The following CSMD1 variants were observed in gnomAD, a reference collection of about 807,000 sequenced individuals.
CSMD1 encodes CUB and sushi domain-containing protein 1.
Under a neutral mutation model 417.5 loss-of-function variants are expected in CSMD1, and 213 were observed. That is an observed-to-expected ratio of 0.51 (90% CI 0.46 to 0.57). CSMD1 has a LOEUF of 0.57. Among genes scored for constraint, CSMD1 ranks in the 20% least tolerant of loss-of-function variants. The probability of loss-of-function intolerance (pLI) is 0.00; values close to 1 mark genes in which losing one functional copy is unlikely to be tolerated. For missense variants in CSMD1, 6,923 were observed against 4,529.7 expected (o/e 1.53, Z -15.17); for synonymous variants, 2,862 against 1,736.8 (o/e 1.65, Z -16.11).
At chr8:3,950,665 T>C (rs958804239) in intron 5 of CSMD1, among the ~76,000 whole-genome samples, 27 of 152,194 alleles carry the variant, frequency 1.8e-4, no homozygotes, top group Admixed American at 1.6e-3. Flanking sequence ...AAAGTTAATG[T>C]TTCTCCTGCC....
intron 1 of CSMD1, among the ~76,000 whole-genome samples, chr8:4,910,287 A>C (rs887204161): frequency 3.3e-5 from 5 of 152,340 alleles, no homozygotes; most frequent in South Asian, 2.1e-4. Flanking sequence ...GTCAACGCAT[A>C]TATCTTGATT....
At chr8:3,040,297 T>C (rs7000511) in intron 50 of CSMD1, among the ~76,000 whole-genome samples, 6,042 of 151,632 alleles carry the variant, frequency 0.04, 414 homozygotes, top group African/African-American at 0.14. Flanking sequence ...AAGTAATATA[T>C]AGCTTGGAGA....
chr8:3,744,244 G>A (rs963466235), intron 6 of CSMD1, among the ~76,000 whole-genome samples: 1 of 152,168 alleles, frequency 6.6e-6, no homozygotes, highest in African/African-American at 2.4e-5. Flanking sequence ...TGCAACAGGA[G>A]CATGGGAAGT....
chr8:3,149,384 G>T (rs1257920377), intron 40 of CSMD1, among the ~76,000 whole-genome samples: 4 of 152,164 alleles, frequency 2.6e-5, no homozygotes, highest in African/African-American at 9.7e-5. Flanking sequence ...ATACAACTGG[G>T]TGACTTTCCT....
At chr8:4,679,923 A>G (rs1444594202) in intron 1 of CSMD1, among the ~76,000 whole-genome samples, 2 of 152,164 alleles carry the variant, frequency 1.3e-5, no homozygotes, top group Admixed American at 1.3e-4. Context: ...CTGTTTCCCA[A>G]ATTAATTGCA....
intron 49 of CSMD1, among the ~76,000 whole-genome samples, chr8:3,067,995 A>G (rs569459600): frequency 9.8e-5 from 15 of 152,306 alleles, no homozygotes; most frequent in Admixed American, 7.2e-4. Flanking sequence ...TCCCAATAAC[A>G]GAATGGCTTT....
chr8:4,344,286 T>C (rs1178929971), intron 3 of CSMD1, among the ~76,000 whole-genome samples: 1 of 152,160 alleles, frequency 6.6e-6, no homozygotes, highest in African/African-American at 2.4e-5. Flanking sequence ...CATTCTGTCA[T>C]GTGTCTAGTT....
chr8:4,179,458 C>T (rs1798234003), intron 3 of CSMD1, among the ~76,000 whole-genome samples: 1 of 151,606 alleles, frequency 6.6e-6, no homozygotes, highest in South Asian at 2.1e-4. Context: ...AACGTTAGAC[C>T]TAAAACCATA....
At chr8:3,535,647 T>C (rs1798164644) in intron 10 of CSMD1, among the ~76,000 whole-genome samples, 1 of 152,212 alleles carries the variant, frequency 6.6e-6, no homozygotes, top group South Asian at 2.1e-4. Flanking sequence ...CTAAAAGCTC[T>C]GTCTTAACCA....
chr8:3,811,763 T>G (rs1445182128), intron 5 of CSMD1, among the ~76,000 whole-genome samples: 1 of 152,042 alleles, frequency 6.6e-6, no homozygotes, highest in Non-Finnish European at 1.5e-5. Flanking sequence ...CCATGGACAA[T>G]AGCTGAGTGA....
At chr8:4,058,204 T>C (rs915808770) in intron 3 of CSMD1, among the ~76,000 whole-genome samples, 3 of 152,154 alleles carry the variant, frequency 2.0e-5, no homozygotes, top group Non-Finnish European at 4.4e-5. Context: ...TCCTCTTTTA[T>C]TTCATTGAGC....
At chr8:4,988,404 A>G (rs1811290573) in intron 1 of CSMD1, among the ~76,000 whole-genome samples, 1 of 152,238 alleles carries the variant, frequency 6.6e-6, no homozygotes, top group Non-Finnish European at 1.5e-5. Flanking sequence ...GTAAATTGCA[A>G]AATGTATCAG....
At chr8:4,868,771 G>A (rs933663363) in intron 1 of CSMD1, among the ~76,000 whole-genome samples, 1 of 93,848 alleles carries the variant, frequency 1.1e-5, no homozygotes, top group Admixed American at 1.5e-4. Flanking sequence ...GGCTGTGTAA[G>A]CTTGTAAAAA....
In CSMD1 at chr8:3,962,596, T is replaced by C. The variant is rs376290574; in HGVS notation, c.818+35307A>G. 1.3e-4 allele frequency among the ~76,000 whole-genome samples: 20 copies of C among 152,186 alleles called. No individual in the cohort carries two copies. The South Asian group carries it at 3.9e-3, about 30-fold the overall frequency. ...GGAGTAAGCAATGAAATCCATGCTA[T>C]GAAGAGGAAAGGAGAGGATCATTGG... On this transcript the variant is annotated intron_variant, in intron 5 of 69. Transcript: ENST00000635120.
chr8:3,593,364 G>T (rs1353022339), intron 8 of CSMD1, among the ~76,000 whole-genome samples: 1 of 152,188 alleles, frequency 6.6e-6, no homozygotes. Flanking sequence ...AAGGTGGGAG[G>T]AGCCCGTGAT....
chr8:4,952,264 T>C (rs931046119), intron 1 of CSMD1, among the ~76,000 whole-genome samples: 4 of 151,980 alleles, frequency 2.6e-5, no homozygotes, highest in Non-Finnish European at 5.9e-5. Context: ...AGATAAACTA[T>C]TATAGATAAT....
intron 1 of CSMD1, among the ~76,000 whole-genome samples, chr8:4,951,862 A>G (rs1808772607): frequency 1.2e-4 from 1 of 8,590 alleles, no homozygotes; most frequent in South Asian, 4.2e-3. Flanking sequence ...CTGAAGGACC[A>G]CCCTGCATAT....
At chr8:3,242,994 G>A (rs531060037) in intron 26 of CSMD1, among the ~76,000 whole-genome samples, 5 of 152,242 alleles carry the variant, frequency 3.3e-5, no homozygotes, top group South Asian at 2.1e-4. Context: ...TCCGTAGTCC[G>A]TGACCAGCGC....
intron 7 of CSMD1, among the ~76,000 whole-genome samples, chr8:3,697,432 A>G (rs980006112): frequency 6.6e-6 from 1 of 152,216 alleles, no homozygotes; most frequent in Non-Finnish European, 1.5e-5. Flanking sequence ...CGTTATGTTT[A>G]TATCAAGGCT....
Sources: gnomAD v4.1 joint callset for allele counts (sites outside exome capture counted in the v4.1 genomes callset) on GRCh38, gnomAD v4.1.1 for gene constraint, MANE v1.5 for transcripts, NCBI Gene and HGNC (gene_info 2026-07-23, HGNC 2026-07-21) for gene names.